GON4L: variants seen among roughly 807,000 people sequenced by gnomAD.
GON4L encodes gon-4 like, also known as GON-4-like protein.
GON4L carries 87 observed loss-of-function variants against 211.8 expected under a neutral mutation model. The observed-to-expected ratio is 0.41, with a 90% CI of 0.35 to 0.49. The LOEUF is 0.49. GON4L is among the 20% of genes least tolerant of loss of function. The probability of loss-of-function intolerance (pLI) is 0.15; values close to 1 mark genes in which losing one functional copy is unlikely to be tolerated. For synonymous variants in GON4L, 875 were observed against 962.6 expected, an observed-to-expected ratio of 0.91 and a Z score of 1.68; for missense variants, 2,155 against 2,659.5, an observed-to-expected ratio of 0.81 and a Z score of 4.17.
intron 2 of GON4L, among the ~76,000 whole-genome samples, chr1:155,849,311 G>A (rs894187131): frequency 7.9e-5 from 12 of 151,992 alleles, no homozygotes; most frequent in Admixed American, 3.9e-4. Context: ...TTGGGAGGCC[G>A]AGGCAGGCAG....
intron 5 of GON4L, 111 bp from the exon 6 acceptor site, chr1:155,820,767 G>A: frequency 1.3e-6 from 1 of 796,640 alleles, no homozygotes; most frequent in Non-Finnish European, 2.2e-6. Flanking sequence ...GATGGCTTGA[G>A]GCAAGGAGTT....
rs538276064 is a variant in GON4L, at chr1:155,757,337, C to G, written c.5254-14G>C. On this transcript the variant is annotated splice_polypyrimidine_tract_variant and intron_variant, in intron 25 of 31. Coordinates refer to ENST00000368331, the MANE Select transcript of GON4L (RefSeq NM_001282860.2). Reference sequence around the variant, plus strand: ...CTGTGTCTTGAGCTGAGGAGAGTCACAGAGGGAAAGAGGAAGTCTCCAGAG... The same window carrying G: ...CTGTGTCTTGAGCTGAGGAGAGTCAGAGAGGGAAAGAGGAAGTCTCCAGAG... 12 of 1,612,214 alleles carry G rather than the reference C, an allele frequency of 7.4e-6. No individual in the cohort carries two copies. The highest frequency in any genetic ancestry group is 3.3e-5 in the Admixed American group (2 of 59,928).
chr1:155,827,895 T>C (rs1230469465), intron 2 of GON4L, among the ~76,000 whole-genome samples: 1 of 151,688 alleles, frequency 6.6e-6, no homozygotes, highest in Non-Finnish European at 1.5e-5. Context: ...TGTAATCCCA[T>C]TACTTTGGGA....
At chr1:155,812,377 A>T (rs1225207438) in intron 10 of GON4L, among the ~76,000 whole-genome samples, 3 of 152,198 alleles carry the variant, frequency 2.0e-5, no homozygotes, top group Non-Finnish European at 4.4e-5. Context: ...ACAAAGACTG[A>T]GAAACTGTTC....
chr1:155,814,287 A>G (rs1301880631), intron 9 of GON4L, 43 bp downstream of exon 9: 1 of 1,561,816 alleles, frequency 6.4e-7, no homozygotes. Flanking sequence ...AAATCTACTT[A>G]GACAGTTATG....
chr1:155,859,116 G>A (rs1672491520), upstream of GON4L, among the ~76,000 whole-genome samples: 1 of 151,902 alleles, frequency 6.6e-6, no homozygotes, highest in African/African-American at 2.4e-5. Flanking sequence ...AAAAAAAAAA[G>A]TTCTGTAATA....
rs550125377 is a variant in GON4L at position 155,813,636 on chromosome 1, G to C, written c.1450C>G (p.Gln484Glu). The C allele has an allele frequency of 9.9e-5, 159 of 1,607,916 alleles. 2 individuals are homozygous for C. In the South Asian group the frequency reaches 1.6e-3, roughly 17 times the overall value. Residue 484 changes from glutamine to glutamate, a missense_variant and splice_region_variant, in exon 10 of 32, where the codon CAG becomes GAG. Around this residue, in one of 6 missense-constraint regions of GON4L, gnomAD observed 551 missense variants for 854.0 expected, o/e 0.65. Transcript: ENST00000368331. ...TTAAGTACAGTTTTAATATTTACCT[G>C]GAAAGAATCCATGCAGACTGGACTG... ...ASSPVCMDSF[Q>E]PMDDSLIAFR...
chr1:155,772,997 C>T (rs1663364910), intron 18 of GON4L, 69 bp downstream of exon 18: 1 of 1,590,636 alleles, frequency 6.3e-7, no homozygotes, highest in South Asian at 1.1e-5. Context: ...TTCCCCTAAA[C>T]TCCTCAAAGG....
intron 2 of GON4L, among the ~76,000 whole-genome samples, chr1:155,843,042 C>T (rs1273839317): frequency 4.7e-5 from 7 of 149,718 alleles, no homozygotes; most frequent in African/African-American, 1.7e-4. Context: ...GACACCATGA[C>T]CTACACCTGC....
intron 6 of GON4L, among the ~76,000 whole-genome samples, chr1:155,816,797 CT>C (rs1668291367): frequency 2.8e-5 from 1 of 35,704 alleles, no homozygotes; most frequent in Non-Finnish European, 7.2e-5. Flanking sequence ...AAAAAAAAAG[CT>C]TTTACCAGGG....
intron 11 of GON4L, among the ~76,000 whole-genome samples, chr1:155,801,112 CAAAAAA>C (rs367752032): frequency 1.4e-5 from 1 of 73,632 alleles, no homozygotes; most frequent in African/African-American, 6.1e-5. Context: ...TGCTGCTGCT[CAAAAAA>C]AAAAAAAAAA....
intron 3 of GON4L, among the ~76,000 whole-genome samples, chr1:155,824,607 G>C (rs902022854): frequency 6.6e-6 from 1 of 151,200 alleles, no homozygotes; most frequent in Admixed American, 6.6e-5. Context: ...GCAGAGGAGT[G>C]GTGGAGCGCA....
At chr1:155,784,974 T>C (rs1420004308) in intron 13 of GON4L, 2 of 356,638 alleles carry the variant, frequency 5.6e-6, no homozygotes, top group East Asian at 7.1e-5. Flanking sequence ...GCTGGGTGTG[T>C]TGGTATGTCC....
At chr1:155,745,933 C>A (rs764269498), downstream of GON4L, 95 of 791,868 alleles carry the variant, frequency 1.2e-4, no homozygotes, top group Non-Finnish European at 1.6e-4. Context: ...CCGGCAGCTG[C>A]CCCCGAGGAG....
At position 155,766,306 on chromosome 1, in the gene GON4L, G is replaced by A. The variant is rs1216816085; in HGVS notation, c.3167C>T (p.Pro1056Leu). ...ATVLQTVPGV[P>L]PLGVSGGESF... ...CTCACCTCCACTGACCCCCAGTGGA[G>A]GGACACCTGGAACTGTCTGTAAAAC... The change falls in exon 21 of 32, where the codon CCT becomes CTT. Residue 1056 changes from proline (P) to leucine (L), a missense_variant. This residue lies in a region of GON4L where 615 missense variants were observed against 625.7 expected (regional missense o/e 0.98). Coordinates refer to ENST00000368331, the MANE Select transcript of GON4L (RefSeq NM_001282860.2). The A allele has an allele frequency of 6.2e-7, 1 of 1,614,146 alleles. No individual in the cohort carries two copies. The highest frequency in any genetic ancestry group is 1.3e-5 in the African/African-American group (1 of 75,030).
chr1:155,789,007 G>A (rs1029980475), intron 12 of GON4L, among the ~76,000 whole-genome samples: 10 of 151,552 alleles, frequency 6.6e-5, no homozygotes, highest in Admixed American at 3.3e-4. Flanking sequence ...GGAGAATGGC[G>A]TGAACCTGGT....
intron 2 of GON4L, among the ~76,000 whole-genome samples, chr1:155,850,610 A>G (rs1557933732): frequency 6.6e-6 from 1 of 152,236 alleles, no homozygotes; most frequent in Non-Finnish European, 1.5e-5. Context: ...CAGTTTTCAA[A>G]TACAGCAGAG....
At chr1:155,812,102 G>A (rs1033046645) in intron 10 of GON4L, among the ~76,000 whole-genome samples, 4 of 151,872 alleles carry the variant, frequency 2.6e-5, no homozygotes, top group African/African-American at 9.7e-5. Context: ...ATCCCCACAT[G>A]ATATATACTA....
intron 5 of GON4L, 42 bp downstream of exon 5, chr1:155,821,432 C>T (rs1280550639): frequency 1.6e-6 from 2 of 1,233,850 alleles, no homozygotes; most frequent in African/African-American, 3.0e-5. Flanking sequence ...TTAGAGATAA[C>T]TCTGTTCCAA....
Sources: gnomAD v4.1 joint callset for allele counts (sites outside exome capture counted in the v4.1 genomes callset) on GRCh38, gnomAD v4.1.1 for gene constraint, gnomAD v4.1.1 regional missense constraint, MANE v1.5 for transcripts, NCBI Gene and HGNC (gene_info 2026-07-23, HGNC 2026-07-21) for gene names.